Variants in KCNQ5 observed in about 807,000 individuals in gnomAD.
The protein encoded by KCNQ5 is potassium voltage-gated channel subfamily KQT member 5.
Under a neutral mutation model 98.2 loss-of-function variants are expected in KCNQ5, and 30 were observed. That is an observed-to-expected ratio of 0.31 (90% CI 0.23 to 0.41). KCNQ5 has a LOEUF of 0.41. Ranked by LOEUF, KCNQ5 falls within the 10% of genes least tolerant of loss-of-function variation. KCNQ5 has a pLI of 1.00. For missense variants in KCNQ5, 835 were observed against 1,182.5 expected (o/e 0.71, Z 4.31); for synonymous variants, 458 against 449.4 (o/e 1.02, Z -0.24).
At chr6:72,940,768 G>C (rs957851200) in intron 1 of KCNQ5, among the ~76,000 whole-genome samples, 1 of 152,164 alleles carries the variant, frequency 6.6e-6, no homozygotes, top group Admixed American at 6.5e-5. Context: ...GCTTCTGCAC[G>C]TACTAGCTCT....
chr6:72,952,501 T>G (rs991626613), intron 1 of KCNQ5, among the ~76,000 whole-genome samples: 1 of 152,226 alleles, frequency 6.6e-6, no homozygotes, highest in Non-Finnish European at 1.5e-5. Context: ...TGCCACTGTG[T>G]TAAGAAGCAC....
intron 1 of KCNQ5, among the ~76,000 whole-genome samples, chr6:72,645,503 G>T (rs1312841998): frequency 2.0e-5 from 3 of 151,936 alleles, no homozygotes; most frequent in South Asian, 4.1e-4. Context: ...AGTAGGAAAT[G>T]AATAATATTA....
intron 10 of KCNQ5, 65 bp from the exon 11 acceptor site, chr6:73,169,681 A>G (rs1287777369): frequency 8.4e-7 from 1 of 1,197,120 alleles, no homozygotes; most frequent in African/African-American, 1.5e-5. Context: ...CACGTGAGAA[A>G]AATTCAGCAA....
intron 1 of KCNQ5, among the ~76,000 whole-genome samples, chr6:72,673,428 C>T (rs1029535604): frequency 6.6e-6 from 1 of 151,960 alleles, no homozygotes; most frequent in Non-Finnish European, 1.5e-5. Context: ...ATATTGGAAA[C>T]AATATTGTTT....
chr6:73,057,492 A>G (rs946653100), intron 3 of KCNQ5, among the ~76,000 whole-genome samples: 5 of 152,110 alleles, frequency 3.3e-5, no homozygotes, highest in Admixed American at 1.3e-4. Flanking sequence ...AAAAATAAAT[A>G]AATAAATAAA....
In KCNQ5 at chr6:73,133,517, A is replaced by G; in HGVS notation, c.1344A>G (p.Pro448=). ...CCTCAGTAGGTGACAGGAGGTCCCC[A>G]AGCACCGACATCACAGCCGAGGGCA... is the stretch of plus-strand genomic sequence containing the variant. ...RQASVGDRRS[P]STDITAEGSP... The change falls in exon 10 of 14, where the codon CCA becomes CCG. Residue 448 remains proline, a synonymous_variant. Transcript: ENST00000370398. 1 of 1,614,166 alleles carries G rather than the reference A, an allele frequency of 6.2e-7. No individual in the cohort carries two copies. Among genetic ancestry groups the G allele is most frequent in the South Asian group, 1.1e-5 (1 of 91,080 alleles).
At chr6:73,049,078 C>T (rs909296042) in intron 3 of KCNQ5, among the ~76,000 whole-genome samples, 3 of 152,050 alleles carry the variant, frequency 2.0e-5, no homozygotes, top group Admixed American at 2.0e-4. Flanking sequence ...AGTATGAGTC[C>T]CATTAACTTC....
chr6:73,020,462 A>G (rs1217653901), intron 2 of KCNQ5, among the ~76,000 whole-genome samples: 1 of 151,890 alleles, frequency 6.6e-6, no homozygotes, highest in Non-Finnish European at 1.5e-5. Context: ...TCCTGGGCAC[A>G]CCATCCTTCA....
chr6:73,005,198 A>C (rs1453354594), intron 2 of KCNQ5, among the ~76,000 whole-genome samples: 1 of 152,240 alleles, frequency 6.6e-6, no homozygotes. Flanking sequence ...GGTAGAGAAC[A>C]GATAGACCAA....
intron 1 of KCNQ5, among the ~76,000 whole-genome samples, chr6:72,909,965 C>G (rs1209386754): frequency 6.6e-6 from 1 of 152,130 alleles, no homozygotes; most frequent in Non-Finnish European, 1.5e-5. Context: ...CCAGGTTGTT[C>G]CTTGCTCTTG....
At chr6:72,999,706 C>T (rs1562119641) in intron 1 of KCNQ5, among the ~76,000 whole-genome samples, 1 of 152,168 alleles carries the variant, frequency 6.6e-6, no homozygotes, top group African/African-American at 2.4e-5. Flanking sequence ...ATGATGAAAT[C>T]TATTATTAAA....
At chr6:72,855,124 G>A (rs376611992) in intron 1 of KCNQ5, among the ~76,000 whole-genome samples, 1 of 152,004 alleles carries the variant, frequency 6.6e-6, no homozygotes, top group African/African-American at 2.4e-5. Flanking sequence ...AGCCTCACCA[G>A]TATTAAACAT....
chr6:73,055,640 G>A, intron 3 of KCNQ5: 1 of 1,172,022 alleles, frequency 8.5e-7, no homozygotes, highest in Non-Finnish European at 1.3e-6. Flanking sequence ...ACTGACTGCA[G>A]CCCATGGCAA....
At chr6:73,090,775 C>T (rs1774213271) in intron 5 of KCNQ5, among the ~76,000 whole-genome samples, 1 of 152,134 alleles carries the variant, frequency 6.6e-6, no homozygotes, top group Non-Finnish European at 1.5e-5. Context: ...CAATGAGATA[C>T]CATCTCAAGC....
At position 72,688,658 on chromosome 6, in the gene KCNQ5, GTA is replaced by G. The variant is rs1224313196; in HGVS notation, c.398+66073_398+66074del. On this transcript the variant is annotated intron_variant, in intron 1 of 13. Transcript: ENST00000370398. Reference sequence around the variant, plus strand: ...GATAAGTTATCTAAGTATATACGGAGTATGGTCATACATTAAAAAAATACAAA... The same window carrying G: ...GATAAGTTATCTAAGTATATACGGAGTGGTCATACATTAAAAAAATACAAA... Among the ~76,000 whole-genome samples the G allele has an allele frequency of 1.9e-4, 29 of 152,056 alleles. 1 individual carries two copies. Among genetic ancestry groups the G allele is most frequent in the Admixed American group, 1.9e-3 (29 of 15,268 alleles).
rs574694352 is a variant in KCNQ5, at chr6:72,805,104, A to G, written c.398+182517A>G. 4.6e-3 allele frequency among the ~76,000 whole-genome samples: 699 copies of G among 152,142 alleles called. 2 individuals carry two copies. The highest frequency in any genetic ancestry group is 6.9e-3 in the Non-Finnish European group (469 of 67,970). ...GGATAGTTTGAAAATATTTTCTCCC[A>G]TTCTGTGGGTTGTCTCTTCACTTTG... is the stretch of plus-strand genomic sequence containing the variant. On this transcript the variant is annotated intron_variant, in intron 1 of 13. Coordinates refer to ENST00000370398, the MANE Select transcript of KCNQ5 (RefSeq NM_019842.4).
chr6:73,010,583 TA>T (rs1770021187), intron 2 of KCNQ5, among the ~76,000 whole-genome samples: 1 of 149,952 alleles, frequency 6.7e-6, no homozygotes, highest in South Asian at 2.1e-4. Flanking sequence ...AAAAAGTAAG[TA>T]AAATTATCCC....
chr6:73,113,834 A>T lies in KCNQ5; in HGVS notation c.1125+2431A>T, dbSNP rs137920462. On this transcript the variant is annotated intron_variant, in intron 7 of 13. Coordinates refer to ENST00000370398, the MANE Select transcript of KCNQ5 (RefSeq NM_019842.4). ...GAGGCCTAGAATTTTATTTTATGGA[A>T]CTGGGTTATGTAACATATATTGTGA... Among the ~76,000 whole-genome samples the T allele has an allele frequency of 2.0e-5, 3 of 152,360 alleles. No individual in the cohort carries two copies. The East Asian group carries it at 5.8e-4, about 29-fold the overall frequency.
intron 3 of KCNQ5, among the ~76,000 whole-genome samples, chr6:73,045,542 C>T (rs1771923618): frequency 6.6e-6 from 1 of 152,150 alleles, no homozygotes. Flanking sequence ...CCCAAGCTGC[C>T]CTTCATTTAC....
Sources: gnomAD v4.1 joint callset for allele counts (sites outside exome capture counted in the v4.1 genomes callset) on GRCh38, gnomAD v4.1.1 for gene constraint, MANE v1.5 for transcripts, NCBI Gene and HGNC (gene_info 2026-07-23, HGNC 2026-07-21) for gene names.